The following UBXN8 variants were observed in gnomAD, a reference collection of about 807,000 sequenced individuals.
UBXN8 encodes UBX domain protein 8, also known as UBX domain-containing protein 8.
A neutral mutation model predicts 32.1 loss-of-function variants in UBXN8; 27 were observed. That is an observed-to-expected ratio of 0.84 (90% CI 0.62 to 1.16). The LOEUF is 1.16. Among genes scored for constraint, UBXN8 ranks in the 50% most tolerant of loss-of-function variants. The pLI is 0.00. For missense variants in UBXN8, 306 were observed against 311.4 expected (o/e 0.98, Z 0.13); for synonymous variants, 109 against 111.8 (o/e 0.98, Z 0.16).
chr8:30,754,962 T>G (rs1805614649), intron 4 of UBXN8, among the ~76,000 whole-genome samples, 175 bp downstream of exon 4: 4 of 151,170 alleles, frequency 2.6e-5, no homozygotes, highest in Admixed American at 2.0e-4. Context: ...GGTCGTTTTT[T>G]TTTTTTTTTT....
chr8:30,737,104 T>C (rs1489126083), intron 1 of UBXN8, among the ~76,000 whole-genome samples: 1 of 152,258 alleles, frequency 6.6e-6, no homozygotes, highest in Non-Finnish European at 1.5e-5. Context: ...AAATCATAAT[T>C]GCACCAGTCT....
chr8:30,746,874 G>GATA (rs1353132407), intron 1 of UBXN8, among the ~76,000 whole-genome samples: 1 of 140,108 alleles, frequency 7.1e-6, no homozygotes, highest in Non-Finnish European at 1.5e-5. Context: ...CACTGCTTAT[G>GATA]GGGTCTATAG....
At chr8:30,744,352 CTT>C in intron 1 of UBXN8, 75 bp downstream of exon 1, 1 of 1,449,044 alleles carries the variant, frequency 6.9e-7, no homozygotes, top group Non-Finnish European at 9.5e-7. Context: ...ACGACCGCCT[CTT>C]CGGCTGCGTG....
At chr8:30,740,144 A>G (rs1053694756), upstream of UBXN8, among the ~76,000 whole-genome samples, 6 of 151,890 alleles carry the variant, frequency 4.0e-5, no homozygotes, top group African/African-American at 1.4e-4. Flanking sequence ...TGGGCACCTC[A>G]GCCTCCCAAA....
upstream of UBXN8, among the ~76,000 whole-genome samples, chr8:30,740,134 T>G (rs924593777): frequency 6.6e-6 from 1 of 151,968 alleles, no homozygotes; most frequent in African/African-American, 2.4e-5. Context: ...CTCAAACTCC[T>G]GGGCACCTCA....
At chr8:30,746,215 T>G (rs1438470199) in intron 1 of UBXN8, among the ~76,000 whole-genome samples, 3 of 152,172 alleles carry the variant, frequency 2.0e-5, no homozygotes, top group Admixed American at 1.3e-4. Context: ...GGGATTAGCT[T>G]CTTTCTCAGA....
chr8:30,749,368 G>A (rs1218271623), intron 1 of UBXN8, among the ~76,000 whole-genome samples: 1 of 142,156 alleles, frequency 7.0e-6, no homozygotes, highest in Admixed American at 7.3e-5. Flanking sequence ...ACTCCAGCCT[G>A]AGCAACAGAC....
At chr8:30,738,703 C>G (rs1301117499) in intron 1 of UBXN8, among the ~76,000 whole-genome samples, 3 of 150,928 alleles carry the variant, frequency 2.0e-5, no homozygotes, top group Non-Finnish European at 4.4e-5. Context: ...CACCTGTACT[C>G]CCAGCACTTT....
intron 4 of UBXN8, chr8:30,756,326 G>GT (rs1338994377): frequency 1.3e-5 from 2 of 159,128 alleles, no homozygotes; most frequent in Admixed American, 1.2e-4. Flanking sequence ...TGTCTTTTTA[G>GT]TAGAGATGGG....
intron 5 of UBXN8, among the ~76,000 whole-genome samples, chr8:30,757,412 C>G (rs914633992): frequency 6.6e-6 from 1 of 151,624 alleles, no homozygotes; most frequent in African/African-American, 2.4e-5. Flanking sequence ...ATTAGCTGGG[C>G]GTGGTGGCAG....
At position 30,747,281 on chromosome 8, in the gene UBXN8, G is replaced by GA. The variant is rs1483149368; in HGVS notation, c.88+3006dup. On this transcript the variant is annotated intron_variant, in intron 1 of 7. Transcript: ENST00000265616. The stretch of plus-strand genomic sequence containing the variant: ...TGTTAGAACGAACAGCAGTAGTATG[G>GA]AACATAAATCCCACACCTCAGTGGT... Among the ~76,000 whole-genome samples the GA allele has an allele frequency of 2.2e-5, 3 of 135,776 alleles. 1 individual carries two copies. Among genetic ancestry groups the GA allele is most frequent in the Non-Finnish European group, 4.7e-5 (3 of 64,034 alleles). The allele number at this position is 135,776 out of a possible 152,430, so 89.1% of individuals were successfully genotyped here.
chr8:30,749,392 C>CA (rs762244650), intron 1 of UBXN8, among the ~76,000 whole-genome samples: 32,160 of 74,334 alleles, frequency 0.43, 4,435 homozygotes, highest in South Asian at 0.54. Context: ...GGCTCCGTCT[C>CA]AAAAAAAAAA....
In UBXN8 at chr8:30,763,291, C is replaced by T. The variant is rs754585716; in HGVS notation, c.589C>T (p.Arg197Ter). 9.9e-6 allele frequency: 16 copies of T among 1,613,694 alleles called. No homozygotes were observed. The highest frequency in any genetic ancestry group is 1.6e-4 in the Middle Eastern group (1 of 6,080). Residue 197 changes from arginine (R) to a stop codon, truncating the protein, a stop_gained, in exon 7 of 8, where the codon CGA (arginine) becomes TGA (stop). Transcript: ENST00000265616. LOFTEE classifies it high-confidence loss of function. ...TCCTTAGGTAGTTACTGTTGCTCTC[C>T]GATGTCCCAGTGGGAATGTCCTGAG... is the stretch of plus-strand genomic sequence containing the variant. ...TAEEVVTVAL[R>*]CPSGNVLRRR...
intron 1 of UBXN8, among the ~76,000 whole-genome samples, chr8:30,744,952 G>C (rs538934342): frequency 6.6e-6 from 1 of 152,170 alleles, no homozygotes; most frequent in Non-Finnish European, 1.5e-5. Context: ...CAAACACCAG[G>C]TGCTGGTTAT....
upstream of UBXN8, chr8:30,744,159 CT>C: frequency 1.9e-6 from 3 of 1,602,948 alleles, no homozygotes; most frequent in Non-Finnish European, 2.6e-6. Flanking sequence ...AAGGGGCGGG[CT>C]TTCCGCCTGC....
At chr8:30,759,972 TAAAA>T (rs1805785814) in intron 5 of UBXN8, among the ~76,000 whole-genome samples, 3 of 72,444 alleles carry the variant, frequency 4.1e-5, no homozygotes, top group African/African-American at 1.8e-4. Flanking sequence ...AATAAATAAA[TAAAA>T]TAAAATAAAA....
At chr8:30,759,701 A>G (rs1228510855) in intron 5 of UBXN8, among the ~76,000 whole-genome samples, 1 of 151,586 alleles carries the variant, frequency 6.6e-6, no homozygotes, top group Admixed American at 6.6e-5. Flanking sequence ...TCACGCCTGT[A>G]ATCCCAGGAC....
chr8:30,762,078 T>TA (rs397748015), intron 6 of UBXN8, among the ~76,000 whole-genome samples: 1 of 150,248 alleles, frequency 6.7e-6, no homozygotes, highest in Non-Finnish European at 1.5e-5. Flanking sequence ...TTTTTTTTTT[T>TA]AAAGAGACAG....
intron 5 of UBXN8, among the ~76,000 whole-genome samples, chr8:30,760,444 T>TA (rs60534482): frequency 0.077 from 5,121 of 66,440 alleles, 134 homozygotes; most frequent in Middle Eastern, 0.11. Context: ...TATATATATA[T>TA]TTTTTTTTTT....
Sources: gnomAD v4.1 joint callset for allele counts (sites outside exome capture counted in the v4.1 genomes callset) on GRCh38, gnomAD v4.1.1 for gene constraint, MANE v1.5 for transcripts, NCBI Gene and HGNC (gene_info 2026-07-23, HGNC 2026-07-21) for gene names.